The following ATP13A5 variants were observed in gnomAD, a reference collection of about 807,000 sequenced individuals.
ATP13A5 encodes the protein probable cation-transporting ATPase 13A5.
In ATP13A5, 149 loss-of-function variants were observed where a neutral mutation model predicts 150.2. The observed-to-expected ratio is 0.99, with a 90% CI of 0.87 to 1.14. The LOEUF is 1.14. Among genes scored for constraint, ATP13A5 ranks in the 50% most tolerant of loss-of-function variants. The pLI, the probability that ATP13A5 is intolerant of heterozygous loss-of-function variation, is 0.00. For synonymous variants in ATP13A5, 497 were observed against 522.2 expected (o/e 0.95, Z 0.66); for missense variants, 1,383 against 1,449.3 (o/e 0.95, Z 0.74).
At chr3:193,345,865 T>A (rs780028092) in intron 7 of ATP13A5, among the ~76,000 whole-genome samples, 3 of 152,158 alleles carry the variant, frequency 2.0e-5, no homozygotes, top group Non-Finnish European at 4.4e-5. Context: ...TCCCTCTCTA[T>A]GCCTCTGTCT....
rs776540812 is a variant in ATP13A5 at position 193,363,279 on chromosome 3, C to T, written c.341G>A (p.Arg114His). 9.0e-5 allele frequency: 145 copies of T among 1,613,684 alleles called. No individual in the cohort carries two copies. The highest frequency in any genetic ancestry group is 1.3e-4 in the East Asian group (6 of 44,868). Reference protein sequence around the residue: ...KKWEESLVADRHSVINQALIK... With the variant: ...KKWEESLVADHHSVINQALIK... ...TAAGGCTTGGTTTATGACAGAGTGG[C>T]GGTCAGCCACCAGGGATTCTTCCCA... The change falls in exon 3 of 30, where the codon CGC (arginine) becomes CAC (histidine). Residue 114 changes from arginine (R) to histidine (H), a missense_variant. This residue lies in a region of ATP13A5 where 787 missense variants were observed against 771.9 expected (regional missense o/e 1.02). Transcript: ENST00000342358.
intron 9 of ATP13A5, among the ~76,000 whole-genome samples, chr3:193,339,212 G>A (rs573645561): frequency 6.6e-6 from 1 of 151,758 alleles, no homozygotes. Flanking sequence ...TTTTTTTAAG[G>A]GTTTTTTGTG....
intron 25 of ATP13A5, among the ~76,000 whole-genome samples, chr3:193,297,635 T>C (rs1025815870): frequency 6.6e-6 from 1 of 152,078 alleles, no homozygotes; most frequent in Admixed American, 6.6e-5. Context: ...TGAGGTTTTT[T>C]TTCTCCTAGT....
At chr3:193,293,501 GA>G (rs1718047537) in intron 25 of ATP13A5, among the ~76,000 whole-genome samples, 1 of 152,098 alleles carries the variant, frequency 6.6e-6, no homozygotes, top group Non-Finnish European at 1.5e-5. Context: ...CCTGAAGGAA[GA>G]AATCCTGTCT....
chr3:193,341,201 A>G (rs1401607353), intron 9 of ATP13A5, among the ~76,000 whole-genome samples: 2 of 148,228 alleles, frequency 1.3e-5, no homozygotes, highest in Non-Finnish European at 3.0e-5. Flanking sequence ...TTTTGTCTCC[A>G]GACTCCTCCC....
In ATP13A5 at chr3:193,324,909, G is replaced by A; in HGVS notation, c.1629C>T (p.Ile543=). 6.2e-7 allele frequency: 1 copy of A among 1,614,120 alleles called. No homozygotes were observed. The highest frequency in any genetic ancestry group is 8.5e-7 in the Non-Finnish European group (1 of 1,179,994). ...TTTTGAGGTCCAGAGGGTCTCCCTGGATGGTCCCATTGAGAAGGATCAGAG... is the reference window on the plus strand; with the variant it reads ...TTTTGAGGTCCAGAGGGTCTCCCTGAATGGTCCCATTGAGAAGGATCAGAG... The part of the protein sequence containing the change: ...CHSLILLNGT[I]QGDPLDLKMF... Residue 543 remains isoleucine, a synonymous_variant, in exon 14 of 30, where the codon ATC becomes ATT. Coordinates refer to ENST00000342358, the MANE Select transcript of ATP13A5 (RefSeq NM_198505.4).
At position 193,321,719 on chromosome 3, in the gene ATP13A5, G is replaced by T; in HGVS notation, c.1877C>A (p.Ala626Asp). 3.1e-6 allele frequency: 5 copies of T among 1,614,152 alleles called. No individual in the cohort carries two copies. The highest frequency in any genetic ancestry group is 4.2e-6 in the Non-Finnish European group (5 of 1,180,016). The change falls in exon 16 of 30, where the codon GCC (alanine) becomes GAC (aspartate). Residue 626 changes from alanine to aspartate, a missense_variant. By Grantham distance (126) the Ala-to-Asp change is moderately radical. This residue lies in a region of ATP13A5 where 787 missense variants were observed against 771.9 expected (regional missense o/e 1.02). Transcript: ENST00000342358. The part of the protein sequence containing the change: ...ENHFHVYMKG[A>D]PEMVARFCRS... ...GCAGAACCTGGCCACCATTTCTGGG[G>T]CACCTTTCATGTAGACATGGAAATG...
At chr3:193,312,156 G>A (rs1174610803) in intron 19 of ATP13A5, among the ~76,000 whole-genome samples, 2 of 152,154 alleles carry the variant, frequency 1.3e-5, no homozygotes, top group Non-Finnish European at 2.9e-5. Flanking sequence ...GGACAGTATG[G>A]TACTCTGGAT....
chr3:193,366,308 T>C (rs1713235132), intron 1 of ATP13A5, among the ~76,000 whole-genome samples: 1 of 152,006 alleles, frequency 6.6e-6, no homozygotes. Flanking sequence ...AAGCAAAGAT[T>C]ATTAGACTAG....
chr3:193,340,940 G>C (rs1257196990), intron 9 of ATP13A5, among the ~76,000 whole-genome samples: 1 of 152,136 alleles, frequency 6.6e-6, no homozygotes, highest in Admixed American at 6.6e-5. Context: ...AATATCTGTA[G>C]AATGAGTGAA....
intron 26 of ATP13A5, among the ~76,000 whole-genome samples, chr3:193,289,391 A>T (rs776530601): frequency 6.6e-6 from 1 of 152,264 alleles, no homozygotes; most frequent in Non-Finnish European, 1.5e-5. Flanking sequence ...TCATATGTCT[A>T]TATCAGTGGC....
intron 11 of ATP13A5, among the ~76,000 whole-genome samples, chr3:193,333,484 C>T (rs368852798): frequency 4.6e-5 from 7 of 152,148 alleles, no homozygotes; most frequent in Admixed American, 1.3e-4. Flanking sequence ...TCATGCAGTA[C>T]CAGCTCTGTA....
chr3:193,378,039 A>C (rs1477828549), intron 1 of ATP13A5, among the ~76,000 whole-genome samples: 3 of 151,748 alleles, frequency 2.0e-5, no homozygotes, highest in African/African-American at 7.3e-5. Flanking sequence ...CCAAATAAAC[A>C]CTATAGTTTT....
intron 6 of ATP13A5, 88 bp from the exon 7 acceptor site, chr3:193,351,289 AT>A: frequency 6.8e-7 from 1 of 1,475,828 alleles, no homozygotes; most frequent in Non-Finnish European, 9.3e-7. Flanking sequence ...TTTTTTTCTC[AT>A]TTTTTTACAA....
At chr3:193,367,342 AAT>A (rs1274979301) in intron 1 of ATP13A5, among the ~76,000 whole-genome samples, 1 of 152,088 alleles carries the variant, frequency 6.6e-6, no homozygotes, top group African/African-American at 2.4e-5. Flanking sequence ...ATTAATATGC[AAT>A]TTAAAAGCTC....
At position 193,321,717 on chromosome 3, in the gene ATP13A5, G is replaced by C; in HGVS notation, c.1879C>G (p.Pro627Ala). ...NHFHVYMKGA[P>A]EMVARFCRSE... ...CTGCAGAACCTGGCCACCATTTCTG[G>C]GGCACCTTTCATGTAGACATGGAAA... Residue 627 changes from proline (P) to alanine (A), a missense_variant, in exon 16 of 30, where the codon CCA (proline) becomes GCA (alanine). Physicochemically the swap from Pro to Ala is conservative, Grantham distance 27. Around this residue, in one of 3 missense-constraint regions of ATP13A5, gnomAD observed 787 missense variants for 771.9 expected, o/e 1.02. Transcript: ENST00000342358. 1 of 1,614,054 alleles carries C rather than the reference G, an allele frequency of 6.2e-7. No individual in the cohort carries two copies. The highest frequency in any genetic ancestry group is 8.5e-7 in the Non-Finnish European group (1 of 1,179,972).
At chr3:193,340,921 G>A (rs955551599) in intron 9 of ATP13A5, among the ~76,000 whole-genome samples, 9 of 152,030 alleles carry the variant, frequency 5.9e-5, no homozygotes, top group African/African-American at 2.2e-4. Flanking sequence ...TCCATAGTAG[G>A]GGCTAATAAA....
At position 193,303,817 on chromosome 3, in the gene ATP13A5, A is replaced by G. The variant is rs141439271; in HGVS notation, c.2678+1742T>C. Among the ~76,000 whole-genome samples, 179 of 151,904 alleles carry G rather than the reference A, an allele frequency of 1.2e-3. 1 individual carries two copies. The highest frequency in any genetic ancestry group is 4.2e-3 in the African/African-American group (173 of 41,456). On this transcript the variant is annotated intron_variant, in intron 23 of 29. Coordinates refer to ENST00000342358, the MANE Select transcript of ATP13A5 (RefSeq NM_198505.4). ...TGTATATAAATATATATACACACAC[A>G]CACATATTTATATATACATTCATAT...
intron 5 of ATP13A5, among the ~76,000 whole-genome samples, chr3:193,359,924 A>C (rs1002187688): frequency 2.6e-5 from 4 of 152,188 alleles, no homozygotes; most frequent in Non-Finnish European, 5.9e-5. Flanking sequence ...CAAAAGGGAC[A>C]GAAGCAGGGT....
Sources: gnomAD v4.1 joint callset for allele counts (sites outside exome capture counted in the v4.1 genomes callset) on GRCh38, gnomAD v4.1.1 for gene constraint, gnomAD v4.1.1 regional missense constraint, MANE v1.5 for transcripts, NCBI Gene and HGNC (gene_info 2026-07-23, HGNC 2026-07-21) for gene names.